NXPH1: variants seen among roughly 807,000 people sequenced by gnomAD.
NXPH1 encodes the protein neurexophilin 1, also known as neurexophilin-1.
In NXPH1, 5 loss-of-function variants were observed where a neutral mutation model predicts 23.7. The ratio of observed to expected loss-of-function variants is 0.21; its 90% CI spans 0.11 to 0.44. The LOEUF (loss-of-function observed/expected upper bound fraction) is 0.44. Ranked by LOEUF, NXPH1 falls within the 20% of genes least tolerant of loss-of-function variation. The pLI, the probability that NXPH1 is intolerant of heterozygous loss-of-function variation, is 0.99. For synonymous variants in NXPH1, 144 were observed against 122.2 expected (o/e 1.18, Z -1.18); for missense variants, 324 against 321.6 (o/e 1.01, Z -0.06).
intron 2 of NXPH1, among the ~76,000 whole-genome samples, chr7:8,744,197 G>A (rs998016493): frequency 3.9e-5 from 6 of 152,252 alleles, no homozygotes; most frequent in African/African-American, 1.2e-4. Context: ...ATACACTTAT[G>A]TTAATAATCT....
chr7:8,576,572 G>A (rs116621586), intron 2 of NXPH1, among the ~76,000 whole-genome samples: 2 of 152,234 alleles, frequency 1.3e-5, no homozygotes, highest in East Asian at 3.9e-4. Context: ...CTGAAGGAAG[G>A]CTGCAGCCTT....
chr7:8,636,296 C>T (rs144788108), intron 2 of NXPH1, among the ~76,000 whole-genome samples: 9 of 152,152 alleles, frequency 5.9e-5, no homozygotes, highest in South Asian at 2.1e-4. Context: ...CTCAGGGCAC[C>T]GTGGGCATAT....
chr7:8,607,753 A>G (rs1463250784), intron 2 of NXPH1, among the ~76,000 whole-genome samples: 1 of 152,202 alleles, frequency 6.6e-6, no homozygotes, highest in Non-Finnish European at 1.5e-5. Context: ...GGGTTGAAAT[A>G]TGTTCCCCAA....
chr7:8,465,706 C>G (rs906606796), intron 2 of NXPH1, among the ~76,000 whole-genome samples: 1 of 152,172 alleles, frequency 6.6e-6, no homozygotes, highest in Non-Finnish European at 1.5e-5. Context: ...TTATTTAAAC[C>G]ACTTAAAGAC....
chr7:8,561,214 A>G (rs1439292306), intron 2 of NXPH1, among the ~76,000 whole-genome samples: 1 of 151,556 alleles, frequency 6.6e-6, no homozygotes, highest in Non-Finnish European at 1.5e-5. Context: ...AAAGAGAAAA[A>G]TGATTCTAGC....
intron 2 of NXPH1, among the ~76,000 whole-genome samples, chr7:8,744,486 G>A (rs1461505693): frequency 6.6e-6 from 1 of 152,016 alleles, no homozygotes; most frequent in Non-Finnish European, 1.5e-5. Context: ...CTCCTCTTCT[G>A]CCTGTCCTCA....
At chr7:8,588,395 A>C (rs904941164) in intron 2 of NXPH1, among the ~76,000 whole-genome samples, 2 of 152,184 alleles carry the variant, frequency 1.3e-5, no homozygotes, top group Non-Finnish European at 2.9e-5. Flanking sequence ...AATTTATTAA[A>C]ACTGCACTGG....
At chr7:8,749,513 G>A (rs2115235123) in intron 2 of NXPH1, among the ~76,000 whole-genome samples, 1 of 152,308 alleles carries the variant, frequency 6.6e-6, no homozygotes, top group East Asian at 1.9e-4. Flanking sequence ...ACACAGCTAA[G>A]TCTAGGGAAG....
chr7:8,547,903 G>C (rs1818220859), intron 2 of NXPH1, among the ~76,000 whole-genome samples: 1 of 151,522 alleles, frequency 6.6e-6, no homozygotes, highest in African/African-American at 2.4e-5. Context: ...TGAAAACTTA[G>C]GTTGGTTCCA....
chr7:8,504,944 C>T (rs1817496911), intron 2 of NXPH1, among the ~76,000 whole-genome samples: 1 of 152,016 alleles, frequency 6.6e-6, no homozygotes. Context: ...GTTTGAACCA[C>T]CTTGTCTATG....
intron 2 of NXPH1, among the ~76,000 whole-genome samples, chr7:8,637,286 A>C (rs570341994): frequency 5.0e-4 from 76 of 151,712 alleles, no homozygotes; most frequent in African/African-American, 1.8e-3. Context: ...TCAGTGGTGC[A>C]ATCATGGCTC....
chr7:8,477,042 G>C (rs1039579613), intron 2 of NXPH1, among the ~76,000 whole-genome samples: 3 of 152,110 alleles, frequency 2.0e-5, no homozygotes, highest in African/African-American at 7.2e-5. Flanking sequence ...GAGACTTGGG[G>C]TTTGTCTGTA....
At chr7:8,536,189 T>G (rs1206702356) in intron 2 of NXPH1, among the ~76,000 whole-genome samples, 1 of 152,066 alleles carries the variant, frequency 6.6e-6, no homozygotes, top group African/African-American at 2.4e-5. Flanking sequence ...CTTGTGGAGC[T>G]TGCAGATAAG....
rs114656677 is a variant in NXPH1, at chr7:8,496,319, C to T, written c.54+60552C>T. On this transcript the variant is annotated intron_variant, in intron 2 of 2. Coordinates refer to ENST00000405863, the MANE Select transcript of NXPH1 (RefSeq NM_152745.3). ...AAATCCAGAAGCCAGGCATGTTCCTCTTTCCTTCCTCATTGTTTTCCATCC... is the reference window on the plus strand; with the variant it reads ...AAATCCAGAAGCCAGGCATGTTCCTTTTTCCTTCCTCATTGTTTTCCATCC... Among the ~76,000 whole-genome samples the T allele has an allele frequency of 2.4e-3, 361 of 152,154 alleles. 2 individuals are homozygous for T. Among genetic ancestry groups the T allele is most frequent in the African/African-American group, 8.2e-3 (341 of 41,544 alleles).
intron 2 of NXPH1, among the ~76,000 whole-genome samples, chr7:8,496,802 A>G (rs1361993853): frequency 1.3e-5 from 2 of 152,094 alleles, no homozygotes; most frequent in Non-Finnish European, 2.9e-5. Context: ...TTATGCTCAG[A>G]TATATCTATT....
chr7:8,525,023 A>T (rs1817840147), intron 2 of NXPH1, among the ~76,000 whole-genome samples: 1 of 152,236 alleles, frequency 6.6e-6, no homozygotes, highest in Non-Finnish European at 1.5e-5. Flanking sequence ...AGGTTAGAAC[A>T]ATTTGAAGGG....
intron 2 of NXPH1, among the ~76,000 whole-genome samples, chr7:8,443,762 C>A (rs1171047835): frequency 6.6e-6 from 1 of 152,106 alleles, no homozygotes; most frequent in Non-Finnish European, 1.5e-5. Context: ...GGCTCGCCAG[C>A]GTGGGGCCTG....
chr7:8,615,642 C>T (rs1389598157), intron 2 of NXPH1, among the ~76,000 whole-genome samples: 2 of 152,032 alleles, frequency 1.3e-5, no homozygotes, highest in East Asian at 3.9e-4. Flanking sequence ...TGTCTCCCTT[C>T]CCTCTTTCCT....
In NXPH1 at chr7:8,717,911, T is replaced by TATATAC. The variant is rs1465301244; in HGVS notation, c.55-33096_55-33095insTATACA. ...CTCTGTGTGTATATATATATATATA[T>TATATAC]ACACAACATGTAGATATGCATGTGT... On this transcript the variant is annotated intron_variant, in intron 2 of 2. Transcript: ENST00000405863. Among the ~76,000 whole-genome samples, 818 of 151,050 alleles carry TATATAC rather than the reference T, an allele frequency of 5.4e-3. 8 individuals are homozygous for TATATAC. The highest frequency in any genetic ancestry group is 0.018 in the African/African-American group (749 of 41,182).
Sources: gnomAD v4.1 joint callset for allele counts (sites outside exome capture counted in the v4.1 genomes callset) on GRCh38, gnomAD v4.1.1 for gene constraint, MANE v1.5 for transcripts, NCBI Gene and HGNC (gene_info 2026-07-23, HGNC 2026-07-21) for gene names.